SLC6A20: variants seen among roughly 807,000 people sequenced by gnomAD.
SLC6A20 encodes the protein solute carrier family 6 member 20.
A neutral mutation model predicts 64.3 loss-of-function variants in SLC6A20; 73 were observed. The observed-to-expected ratio is 1.14, with a 90% CI of 0.94 to 1.38. SLC6A20 has a LOEUF of 1.38. SLC6A20 is among the 40% of genes most tolerant of loss of function. SLC6A20 has a pLI of 0.00. For missense variants in SLC6A20, 725 were observed against 772.8 expected, an observed-to-expected ratio of 0.94 and a Z score of 0.73; for synonymous variants, 347 against 329.6, an observed-to-expected ratio of 1.05 and a Z score of -0.57.
At position 45,765,797 on chromosome 3, in the gene SLC6A20, A is replaced by G. The variant is rs188992314; in HGVS notation, c.1099-56T>C. On this transcript the variant is annotated intron_variant, in intron 7 of 10. Coordinates refer to ENST00000358525, the MANE Select transcript of SLC6A20 (RefSeq NM_020208.4). The surrounding 1 kb of genome is among the most constrained non-coding windows in gnomAD (Gnocchi z 4.2). ...GCAAGAGGGACTTATAGTCTTATTC[A>G]CGCACTCAGTACTAAGCAACATGGG... 2.6e-3 allele frequency: 4,116 copies of G among 1,594,312 alleles called. 6 individuals carry two copies. Among genetic ancestry groups the G allele is most frequent in the Middle Eastern group, 3.8e-3 (23 of 6,034 alleles).
At chr3:45,773,423 G>A (rs1027262163) in intron 4 of SLC6A20, among the ~76,000 whole-genome samples, 2 of 152,118 alleles carry the variant, frequency 1.3e-5, no homozygotes, top group East Asian at 1.9e-4. Flanking sequence ...TAATATCTTT[G>A]GTGTTCATGG....
At chr3:45,769,930 TTCTC>T (rs900883046) in intron 7 of SLC6A20, among the ~76,000 whole-genome samples, 10 of 152,238 alleles carry the variant, frequency 6.6e-5, no homozygotes, top group Non-Finnish European at 1.0e-4. Context: ...GTGTTTGTTA[TTCTC>T]TCTACTTTTC....
chr3:45,776,860 T>A (rs1699977109), intron 3 of SLC6A20, among the ~76,000 whole-genome samples: 1 of 152,146 alleles, frequency 6.6e-6, no homozygotes, highest in South Asian at 2.1e-4. Flanking sequence ...GGAAAGCTTG[T>A]TAGTGAGAAA....
Position 45,758,969 on chromosome 3 carries a change from G to A in SLC6A20, c.*9C>T, listed in dbSNP as rs748378962. On this transcript the variant is annotated 3_prime_UTR_variant, in exon 11 of 11. Coordinates refer to ENST00000358525, the MANE Select transcript of SLC6A20 (RefSeq NM_020208.4). The stretch of plus-strand genomic sequence containing the variant: ...CTGTAAAACCGTGAGCGGCTGGGAA[G>A]CCCACATCTCAGGCCACGGGGTCTG... 2 of 1,592,580 alleles carry A rather than the reference G, an allele frequency of 1.3e-6. No individual in the cohort carries two copies. Among genetic ancestry groups the A allele is most frequent in the East Asian group, 4.5e-5 (2 of 44,494 alleles).
intron 9 of SLC6A20, among the ~76,000 whole-genome samples, chr3:45,760,852 G>C (rs891054820): frequency 6.6e-6 from 1 of 152,232 alleles, no homozygotes; most frequent in Non-Finnish European, 1.5e-5. Flanking sequence ...CCAGGGCTGC[G>C]ATGCCTTCTT....
At chr3:45,793,066 T>C (rs945650386) in intron 1 of SLC6A20, among the ~76,000 whole-genome samples, 2 of 152,190 alleles carry the variant, frequency 1.3e-5, no homozygotes, top group South Asian at 2.1e-4. Flanking sequence ...AGGCTACAGT[T>C]TGACATGCAA....
chr3:45,775,215 A>G (rs768851509), intron 4 of SLC6A20, among the ~76,000 whole-genome samples: 1 of 152,140 alleles, frequency 6.6e-6, no homozygotes, highest in Non-Finnish European at 1.5e-5. Context: ...AGCTTAGAAC[A>G]AAGGGTCTCA....
At chr3:45,789,108 G>A (rs995142083) in intron 1 of SLC6A20, among the ~76,000 whole-genome samples, 5 of 152,178 alleles carry the variant, frequency 3.3e-5, no homozygotes, top group Non-Finnish European at 7.4e-5. Flanking sequence ...GAAGCAAGAA[G>A]TACAAGTGTG....
chr3:45,780,527 A>G (rs531059993), intron 2 of SLC6A20, among the ~76,000 whole-genome samples: 1 of 152,360 alleles, frequency 6.6e-6, no homozygotes, highest in African/African-American at 2.4e-5. Context: ...GTTGCTGTGA[A>G]GTGCTACCTT....
intron 1 of SLC6A20, among the ~76,000 whole-genome samples, chr3:45,795,385 T>C (rs1304662397): frequency 1.3e-5 from 2 of 152,172 alleles, no homozygotes. Context: ...CTTGAATGGA[T>C]GCTCTATAAT....
rs1013830570 is a variant in SLC6A20, at chr3:45,765,814, C to A, written c.1099-73G>T. The A allele has an allele frequency of 2.6e-6, 4 of 1,529,652 alleles. No individual in the cohort carries two copies. In the African/African-American group the frequency reaches 4.1e-5, roughly 16 times the overall value. The allele number at this position is 1,529,652 out of a possible 1,614,324, so 94.8% of individuals were successfully genotyped here. On this transcript the variant is annotated intron_variant, in intron 7 of 10. Transcript: ENST00000358525. The surrounding 1 kb of genome is among the most constrained non-coding windows in gnomAD (Gnocchi z 4.2). ...TCTTATTCACGCACTCAGTACTAAG[C>A]AACATGGGGGACCTTGGAAGTGGCC...
chr3:45,778,018 T>C (rs1051342148), intron 3 of SLC6A20, among the ~76,000 whole-genome samples: 3 of 152,116 alleles, frequency 2.0e-5, no homozygotes, highest in Non-Finnish European at 4.4e-5. Context: ...TTGAAGAAGG[T>C]TTAGCGTATA....
At position 45,772,478 on chromosome 3, in the gene SLC6A20, G is replaced by A. The variant is rs939186852; in HGVS notation, c.693+27C>T. The A allele has an allele frequency of 3.7e-5, 59 of 1,593,684 alleles. 1 individual carries two copies. Among genetic ancestry groups the A allele is most frequent in the East Asian group, 2.5e-4 (11 of 44,556 alleles). On this transcript the variant is annotated intron_variant, in intron 5 of 10. Coordinates refer to ENST00000358525, the MANE Select transcript of SLC6A20 (RefSeq NM_020208.4). Reference sequence around the variant, plus strand: ...GTGGCAGGATAAGTGAGGGGTGCCCGTAGGGCCCTTCCGCTTCAGCCCGTA... The same window carrying A: ...GTGGCAGGATAAGTGAGGGGTGCCCATAGGGCCCTTCCGCTTCAGCCCGTA...
Position 45,782,071 on chromosome 3 carries a change from G to A in SLC6A20, c.262+12C>T. On this transcript the variant is annotated intron_variant, in intron 2 of 10. Transcript: ENST00000358525. ...TCTCTGGGTGGGAGAGGACTGGAGGGGCCCCACGTACCGACACCACTGAGG... is the reference window on the plus strand; with the variant it reads ...TCTCTGGGTGGGAGAGGACTGGAGGAGCCCCACGTACCGACACCACTGAGG... 1 of 1,593,700 alleles carries A rather than the reference G, an allele frequency of 6.3e-7. No individual in the cohort carries two copies. The highest frequency in any genetic ancestry group is 1.1e-5 in the South Asian group (1 of 87,636).
rs1400523719 is a variant in SLC6A20 at position 45,796,367 on chromosome 3, C to A, written c.53G>T (p.Cys18Phe). Residue 18 changes from cysteine to phenylalanine, a missense_variant, in exon 1 of 11, where the codon TGC becomes TTC. Physicochemically the swap from Cys to Phe is radical, Grantham distance 205 (BLOSUM62 -2). Transcript: ENST00000358525. ...GCCCAGGCCCACGGCGTACGAGATG[C>A]AGGCGAACACGAACTGTAGCGAGTT... ...WANSLQFVFACISYAVGLGNV... is the reference protein window; with the variant it reads ...WANSLQFVFAFISYAVGLGNV... The A allele has an allele frequency of 6.2e-7, 1 of 1,613,020 alleles. No individual in the cohort carries two copies. Among genetic ancestry groups the A allele is most frequent in the Non-Finnish European group, 8.5e-7 (1 of 1,179,724 alleles).
At chr3:45,783,283 C>A (rs79704118) in intron 1 of SLC6A20, among the ~76,000 whole-genome samples, 1 of 152,252 alleles carries the variant, frequency 6.6e-6, no homozygotes, top group African/African-American at 2.4e-5. Flanking sequence ...AAAACCCAGA[C>A]ACTACAACTG....
chr3:45,794,338 C>G (rs570161041), intron 1 of SLC6A20, among the ~76,000 whole-genome samples: 108 of 152,288 alleles, frequency 7.1e-4, no homozygotes, highest in Non-Finnish European at 1.2e-3. Context: ...CAAGTGCCTA[C>G]GGTGCCAAGT....
intron 1 of SLC6A20, among the ~76,000 whole-genome samples, chr3:45,793,813 C>T (rs1700297717): frequency 6.6e-6 from 1 of 152,148 alleles, no homozygotes. Context: ...TTTTTACCTT[C>T]CGGTAAGGGA....
At chr3:45,767,448 T>A (rs1481168120) in intron 7 of SLC6A20, among the ~76,000 whole-genome samples, 2 of 152,026 alleles carry the variant, frequency 1.3e-5, no homozygotes, top group African/African-American at 4.8e-5. Context: ...CCAGATTAGA[T>A]GCAGCTGAAA....
Sources: allele counts gnomAD v4.1 joint callset (sites outside exome capture counted in the v4.1 genomes callset), GRCh38; gene constraint gnomAD v4.1.1; non-coding constraint Gnocchi (gnomAD v3.1); transcripts MANE v1.5; gene names NCBI Gene and HGNC (gene_info 2026-07-23, HGNC 2026-07-21).